MET: variants seen among roughly 807,000 people sequenced by gnomAD.
MET encodes the protein hepatocyte growth factor receptor.
Under a neutral mutation model 133.1 loss-of-function variants are expected in MET, and 48 were observed. The ratio of observed to expected loss-of-function variants is 0.36; its 90% CI spans 0.29 to 0.46. The LOEUF (loss-of-function observed/expected upper bound fraction) is 0.46, where lower values mean the gene tolerates loss of function less well. Among genes scored for constraint, MET ranks in the 20% least tolerant of loss-of-function variants. The pLI, the probability that MET is intolerant of heterozygous loss-of-function variation, is 1.00. For missense variants in MET, 1,442 were observed against 1,695.9 expected, an observed-to-expected ratio of 0.85 and a Z score of 2.63; for synonymous variants, 628 against 616.5, an observed-to-expected ratio of 1.02 and a Z score of -0.28.
chr7:116,738,615 G>T (rs372507091), intron 3 of MET, among the ~76,000 whole-genome samples: 12 of 152,124 alleles, frequency 7.9e-5, no homozygotes, highest in African/African-American at 2.7e-4. Context: ...AAACATTAGA[G>T]CACAAATGTC....
intron 5 of MET, among the ~76,000 whole-genome samples, chr7:116,749,963 T>C (rs1187180018): frequency 2.6e-5 from 4 of 152,098 alleles, no homozygotes; most frequent in Non-Finnish European, 4.4e-5. Flanking sequence ...CATTCCATGC[T>C]CATGGATAGG....
At chr7:116,693,184 C>A (rs1211366871) in intron 1 of MET, among the ~76,000 whole-genome samples, 2 of 152,186 alleles carry the variant, frequency 1.3e-5, no homozygotes, top group African/African-American at 2.4e-5. Context: ...CATAGAGGAA[C>A]AATCTCAGAG....
At chr7:116,717,880 T>C (rs1348354147) in intron 2 of MET, among the ~76,000 whole-genome samples, 1 of 152,196 alleles carries the variant, frequency 6.6e-6, no homozygotes, top group Non-Finnish European at 1.5e-5. Context: ...TTGAGATATA[T>C]AGCACTTCAA....
rs76575533 is a variant in MET, at chr7:116,753,489, G to A, written c.1702-1866G>A. On this transcript the variant is annotated intron_variant, in intron 5 of 20. Coordinates refer to ENST00000397752, the MANE Select transcript of MET (RefSeq NM_000245.4). ...TACACACTTTATAGGTGCCTAATGC[G>A]GTCTTAAATCATGACTGACCAAGGT... Among the ~76,000 whole-genome samples, 1,113 of 152,114 alleles carry A rather than the reference G, an allele frequency of 7.3e-3. 8 individuals carry two copies. Among genetic ancestry groups the A allele is most frequent in the Non-Finnish European group, 0.011 (743 of 68,006 alleles).
At chr7:116,754,728 G>A (rs28544234) in intron 5 of MET, among the ~76,000 whole-genome samples, 4,687 of 151,368 alleles carry the variant, frequency 0.031, 241 homozygotes, top group African/African-American at 0.11. Flanking sequence ...AATGTGGGAG[G>A]ATTGCTTGAG....
At chr7:116,754,164 G>T (rs187911662) in intron 5 of MET, among the ~76,000 whole-genome samples, 2 of 152,238 alleles carry the variant, frequency 1.3e-5, no homozygotes, top group Admixed American at 1.3e-4. Flanking sequence ...ATGAATGAAT[G>T]AATGAATGAA....
At chr7:116,775,576 G>A (rs1794968962) in intron 15 of MET, among the ~76,000 whole-genome samples, 1 of 152,052 alleles carries the variant, frequency 6.6e-6, no homozygotes, top group Non-Finnish European at 1.5e-5. Context: ...CGTGGTGGCG[G>A]GTGCCTTTAA....
chr7:116,741,200 T>C, intron 5 of MET, 175 bp downstream of exon 5: 1 of 744,146 alleles, frequency 1.3e-6, no homozygotes, highest in South Asian at 1.7e-5. Flanking sequence ...ATCTCTCTCT[T>C]GGCTTTATCC....
intron 2 of MET, among the ~76,000 whole-genome samples, chr7:116,706,412 T>A (rs1317507594): frequency 6.6e-6 from 1 of 152,096 alleles, no homozygotes; most frequent in Admixed American, 6.6e-5. Context: ...AAATGTTAAT[T>A]AAAATCTTTG....
intron 1 of MET, among the ~76,000 whole-genome samples, chr7:116,683,467 T>C (rs972833024): frequency 6.6e-6 from 1 of 152,202 alleles, no homozygotes; most frequent in South Asian, 2.1e-4. Flanking sequence ...TACTGATTCT[T>C]CTAGAAAGAA....
chr7:116,716,537 GAA>G (rs1792246802), intron 2 of MET, among the ~76,000 whole-genome samples: 2 of 143,808 alleles, frequency 1.4e-5, no homozygotes, highest in Non-Finnish European at 1.5e-5. Context: ...AAGAAAGAAA[GAA>G]GATATGAACA....
intron 2 of MET, among the ~76,000 whole-genome samples, chr7:116,725,961 C>T (rs1792734709): frequency 6.7e-6 from 1 of 148,730 alleles, no homozygotes. Context: ...TGCTTGAGCC[C>T]TGGAGTTTGA....
At chr7:116,684,526 G>A (rs1796477996) in intron 1 of MET, among the ~76,000 whole-genome samples, 1 of 152,194 alleles carries the variant, frequency 6.6e-6, no homozygotes, top group South Asian at 2.1e-4. Context: ...CTTACTAGAA[G>A]GTAAGAGATG....
chr7:116,732,002 A>G (rs1300019852), intron 3 of MET, 143 bp downstream of exon 3: 2 of 787,186 alleles, frequency 2.5e-6, no homozygotes, highest in East Asian at 2.7e-5. Context: ...AAGCCAAACA[A>G]TGAAGCCTGG....
At chr7:116,755,645 C>G in intron 6 of MET, 130 bp downstream of exon 6, 2 of 1,111,506 alleles carry the variant, frequency 1.8e-6, no homozygotes, top group Non-Finnish European at 2.7e-6. Flanking sequence ...TGTCACATGC[C>G]TTGTGGGTCT....
intron 11 of MET, among the ~76,000 whole-genome samples, chr7:116,766,825 A>G (rs774621792): frequency 6.6e-6 from 1 of 152,142 alleles, no homozygotes; most frequent in Non-Finnish European, 1.5e-5. Flanking sequence ...CATGGTACCT[A>G]GTAGTAAAGG....
intron 1 of MET, among the ~76,000 whole-genome samples, chr7:116,697,506 C>T (rs1051186173): frequency 6.6e-6 from 1 of 152,116 alleles, no homozygotes; most frequent in African/African-American, 2.4e-5. Context: ...AATTCTTAGA[C>T]TATTAGTAGG....
At chr7:116,742,297 A>G (rs1406435985) in intron 5 of MET, among the ~76,000 whole-genome samples, 2 of 152,226 alleles carry the variant, frequency 1.3e-5, no homozygotes, top group Non-Finnish European at 2.9e-5. Flanking sequence ...AGCTTGATTG[A>G]CCAGAGAATA....
chr7:116,797,165 G>A lies in MET; in HGVS notation c.*1041G>A, dbSNP rs538497590. On this transcript the variant is annotated 3_prime_UTR_variant, in exon 21 of 21. Transcript: ENST00000397752. ...ATGAATGTGAACATGTAGATGTTTTGTGTGTATTTTTTTAAATGAAAACTC... is the reference window on the plus strand; with the variant it reads ...ATGAATGTGAACATGTAGATGTTTTATGTGTATTTTTTTAAATGAAAACTC... 1 of 201,966 alleles carries A rather than the reference G, an allele frequency of 5.0e-6. No individual in the cohort carries two copies. Among genetic ancestry groups the A allele is most frequent in the African/African-American group, 2.3e-5 (1 of 43,652 alleles). The allele number at this position is 201,966 out of a possible 1,614,324, so 12.5% of individuals were successfully genotyped here.
Sources: allele counts gnomAD v4.1 joint callset (sites outside exome capture counted in the v4.1 genomes callset), GRCh38; gene constraint gnomAD v4.1.1; transcripts MANE v1.5; gene names NCBI Gene and HGNC (gene_info 2026-07-23, HGNC 2026-07-21).